Variants in ADAD1 observed in about 807,000 individuals in gnomAD.
ADAD1 encodes adenosine deaminase domain-containing protein 1.
ADAD1 carries 46 observed loss-of-function variants against 66.8 expected under a neutral mutation model. The observed-to-expected ratio is 0.69, with a 90% CI of 0.54 to 0.88. The LOEUF (loss-of-function observed/expected upper bound fraction) is 0.88, where lower values mean the gene tolerates loss of function less well. Among genes scored for constraint, ADAD1 ranks in the 40% least tolerant of loss-of-function variants. The pLI, the probability that ADAD1 is intolerant of heterozygous loss-of-function variation, is 0.00. For synonymous variants in ADAD1, 248 were observed against 229.4 expected (o/e 1.08, Z -0.73); for missense variants, 617 against 681.8 (o/e 0.91, Z 1.06).
Position 122,429,623 on chromosome 4 carries a change from T to C in ADAD1, c.1618-3T>C, listed in dbSNP as rs373897959. On this transcript the variant is annotated splice_region_variant and splice_polypyrimidine_tract_variant and intron_variant, in intron 12 of 12. Coordinates refer to ENST00000296513, the MANE Select transcript of ADAD1 (RefSeq NM_139243.4). Reference sequence around the variant, plus strand: ...TATAATTCATTTTTTCTTTCTTCTCTAGTGTATGTCTGCCTCCTATCAAGA... The same window carrying C: ...TATAATTCATTTTTTCTTTCTTCTCCAGTGTATGTCTGCCTCCTATCAAGA... The C allele has an allele frequency of 1.3e-6, 2 of 1,586,094 alleles. No homozygotes were observed. The highest frequency in any genetic ancestry group is 1.7e-5 in the Admixed American group (1 of 59,814).
At chr4:122,380,878 C>T in intron 3 of ADAD1, 114 bp from the exon 4 acceptor site, 2 of 950,500 alleles carry the variant, frequency 2.1e-6, no homozygotes, top group East Asian at 2.8e-5. Context: ...TTAAGAAAAA[C>T]ATATGATGAA....
intron 7 of ADAD1, among the ~76,000 whole-genome samples, chr4:122,397,272 G>T (rs1580760584): frequency 6.6e-6 from 1 of 152,170 alleles, no homozygotes; most frequent in African/African-American, 2.4e-5. Flanking sequence ...AATTTAATAA[G>T]ATCAGTTAAA....
intron 12 of ADAD1, among the ~76,000 whole-genome samples, chr4:122,422,956 TAAAAAAA>T (rs537676034): frequency 3.1e-5 from 3 of 97,190 alleles, no homozygotes; most frequent in South Asian, 3.6e-4. Context: ...TATTTCTCTT[TAAAAAAA>T]AAAAAAAAAA....
At chr4:122,416,443 C>G (rs1011511288) in intron 11 of ADAD1, among the ~76,000 whole-genome samples, 1 of 152,162 alleles carries the variant, frequency 6.6e-6, no homozygotes. Flanking sequence ...ACAAATGTTT[C>G]TTAGCAGTCA....
intron 7 of ADAD1, among the ~76,000 whole-genome samples, chr4:122,403,834 A>G (rs1323281587): frequency 6.6e-6 from 1 of 151,428 alleles, no homozygotes; most frequent in African/African-American, 2.4e-5. Context: ...CTGAGCTCAG[A>G]CTCTTCTTGT....
At chr4:122,380,898 G>A in intron 3 of ADAD1, 94 bp from the exon 4 acceptor site, 1 of 1,169,330 alleles carries the variant, frequency 8.6e-7, no homozygotes, top group Non-Finnish European at 1.2e-6. Flanking sequence ...AGTGTATCTG[G>A]GACAACCTTC....
chr4:122,388,549 T>A (rs527532077), intron 5 of ADAD1, among the ~76,000 whole-genome samples: 1 of 152,164 alleles, frequency 6.6e-6, no homozygotes, highest in Non-Finnish European at 1.5e-5. Context: ...TTTCAGAGCT[T>A]GTTATTGGTC....
intron 7 of ADAD1, among the ~76,000 whole-genome samples, chr4:122,403,345 T>C (rs775644939): frequency 1.2e-4 from 18 of 152,156 alleles, no homozygotes; most frequent in Non-Finnish European, 1.9e-4. Flanking sequence ...ATGTGATCCA[T>C]CTTCAGGTCT....
intron 8 of ADAD1, 100 bp from the exon 9 acceptor site, chr4:122,411,122 A>T: frequency 1.1e-6 from 1 of 924,858 alleles, no homozygotes. Context: ...AAAACTTTTA[A>T]CATGCAGGAC....
At chr4:122,415,710 A>C (rs1375035753) in intron 11 of ADAD1, 94 bp downstream of exon 11, 2 of 1,052,682 alleles carry the variant, frequency 1.9e-6, no homozygotes, top group African/African-American at 3.2e-5. Context: ...GATACTATTT[A>C]TTGAACTCTG....
chr4:122,391,062 G>A (rs1795410575), intron 5 of ADAD1, among the ~76,000 whole-genome samples: 1 of 152,160 alleles, frequency 6.6e-6, no homozygotes, highest in South Asian at 2.1e-4. Context: ...TTTTGTTCTT[G>A]TTGATGCTAT....
rs1794869808 is a variant in ADAD1, at chr4:122,381,006, C to T, written c.187C>T (p.Pro63Ser). The T allele has an allele frequency of 1.3e-6, 2 of 1,592,176 alleles. No individual in the cohort carries two copies. The highest frequency in any genetic ancestry group is 1.7e-6 in the Non-Finnish European group (2 of 1,175,084). The change falls in exon 4 of 13, where the codon CCG (proline) becomes TCG (serine). Residue 63 changes from proline to serine, a missense_variant. Coordinates refer to ENST00000296513, the MANE Select transcript of ADAD1 (RefSeq NM_139243.4). The stretch of plus-strand genomic sequence containing the variant: ...TTTGTTTTTAGGTAATTTTCCAGAG[C>T]CGTTGCTTTCCAAGAATCTTTCATC... ...VTQVTGNFPE[P>S]LLSKNLSSIS...
chr4:122,395,624 C>T (rs1264857316), intron 6 of ADAD1, among the ~76,000 whole-genome samples: 1 of 151,130 alleles, frequency 6.6e-6, no homozygotes, highest in Non-Finnish European at 1.5e-5. Flanking sequence ...GAGATCATGC[C>T]ACTGCACTCC....
chr4:122,397,156 T>G (rs1795755034), intron 7 of ADAD1, among the ~76,000 whole-genome samples: 3 of 152,222 alleles, frequency 2.0e-5, no homozygotes, highest in South Asian at 4.1e-4. Context: ...TGAGGTAAAT[T>G]TATTGCTAGC....
chr4:122,418,062 A>T (rs45592437), intron 11 of ADAD1, among the ~76,000 whole-genome samples: 4,522 of 142,734 alleles, frequency 0.032, 114 homozygotes, highest in East Asian at 0.14. Flanking sequence ...AAATATAAAG[A>T]AAAGAGCTTT....
Position 122,380,138 on chromosome 4 carries a change from C to G in ADAD1, c.69C>G (p.Asn23Lys). The G allele has an allele frequency of 6.2e-7, 1 of 1,614,110 alleles. No homozygotes were observed. The highest frequency in any genetic ancestry group is 8.5e-7 in the Non-Finnish European group (1 of 1,180,016). ...VPSFAQMLKK[N>K]LPVQPATKTI... ...GCTTTGCCCAGATGCTGAAAAAGAA[C>G]CTGCCAGTTCAACCAGCGACAAAGA... is the stretch of plus-strand genomic sequence containing the variant. The change falls in exon 3 of 13, where the codon AAC (asparagine) becomes AAG (lysine). Residue 23 changes from asparagine to lysine, a missense_variant. By Grantham distance (94) the Asn-to-Lys change is moderately conservative. Transcript: ENST00000296513.
intron 12 of ADAD1, 103 bp downstream of exon 12, chr4:122,421,493 C>A: frequency 1.8e-6 from 2 of 1,100,172 alleles, no homozygotes; most frequent in Non-Finnish European, 1.2e-6. Context: ...TGAATACTTC[C>A]TGAATATAAG....
chr4:122,404,500 C>T (rs907317822), intron 7 of ADAD1, among the ~76,000 whole-genome samples: 3 of 152,150 alleles, frequency 2.0e-5, no homozygotes, highest in African/African-American at 7.2e-5. Context: ...GTAGGCTTTT[C>T]CCCACCTCAC....
chr4:122,426,737 A>T (rs1212951216), intron 12 of ADAD1, among the ~76,000 whole-genome samples: 1 of 152,244 alleles, frequency 6.6e-6, no homozygotes, highest in Non-Finnish European at 1.5e-5. Flanking sequence ...AAATTTGTAT[A>T]ATTATCTCAA....
Sources: gnomAD v4.1 joint callset for allele counts (sites outside exome capture counted in the v4.1 genomes callset) on GRCh38, gnomAD v4.1.1 for gene constraint, MANE v1.5 for transcripts, NCBI Gene and HGNC (gene_info 2026-07-23, HGNC 2026-07-21) for gene names.